The following FGD4 variants were observed in gnomAD, a reference collection of about 807,000 sequenced individuals.
The protein encoded by FGD4 is FYVE, RhoGEF and PH domain containing 4, also known as FYVE, RhoGEF and PH domain-containing protein 4.
A neutral mutation model predicts 102.0 loss-of-function variants in FGD4; 42 were observed. The observed-to-expected ratio is 0.41, with a 90% CI of 0.32 to 0.53. FGD4 has a LOEUF of 0.53. FGD4 is among the 20% of genes least tolerant of loss of function. The probability of loss-of-function intolerance (pLI) is 0.21; values close to 1 mark genes in which losing one functional copy is unlikely to be tolerated. For missense variants in FGD4, 902 were observed against 1,078.2 expected (o/e 0.84, Z 2.29); for synonymous variants, 380 against 375.7 (o/e 1.01, Z -0.13).
chr12:32,472,732 C>T (rs1943451394), intron 1 of FGD4, among the ~76,000 whole-genome samples: 1 of 152,246 alleles, frequency 6.6e-6, no homozygotes, highest in Non-Finnish European at 1.5e-5. Context: ...GCGGGATCCA[C>T]TAGGTGAAGC....
In FGD4 at chr12:32,602,162, G is replaced by A; in HGVS notation, c.1249G>A (p.Glu417Lys). The A allele has an allele frequency of 6.2e-7, 1 of 1,613,834 alleles. No individual in the cohort carries two copies. The highest frequency in any genetic ancestry group is 1.3e-5 in the African/African-American group (1 of 75,032). Residue 417 changes from glutamate (E) to lysine (K), a missense_variant and splice_region_variant, in exon 7 of 17, where the codon GAA becomes AAA. Coordinates refer to ENST00000534526, the MANE Select transcript of FGD4 (RefSeq NM_001370298.3). ...PELEKRMQEWETTPRIGDILQ... is the reference protein window; with the variant it reads ...PELEKRMQEWKTTPRIGDILQ... Reference sequence around the variant, plus strand: ...CTTGTTTTTCTATATTTGATACAGGGAAACTACTCCTAGAATTGGAGACAT... The same window carrying A: ...CTTGTTTTTCTATATTTGATACAGGAAAACTACTCCTAGAATTGGAGACAT...
chr12:32,633,755 AC>A, intron 15 of FGD4, 66 bp downstream of exon 15: 2 of 1,445,062 alleles, frequency 1.4e-6, no homozygotes, highest in Non-Finnish European at 1.9e-6. Flanking sequence ...TCGCTCTGTC[AC>A]CCAGGCTGAG....
At chr12:32,433,071 A>G (rs909939363) in intron 1 of FGD4, among the ~76,000 whole-genome samples, 2 of 151,662 alleles carry the variant, frequency 1.3e-5, no homozygotes. Context: ...ATCTTACCTC[A>G]CTGCAACCTC....
intron 1 of FGD4, among the ~76,000 whole-genome samples, chr12:32,508,284 A>C (rs17536908): frequency 0.19 from 28,978 of 152,180 alleles, 3,256 homozygotes; most frequent in Middle Eastern, 0.35. Context: ...GTATCCTGTA[A>C]AGAATGAGGA....
chr12:32,637,095 G>A (rs1950880358), intron 15 of FGD4, among the ~76,000 whole-genome samples: 1 of 144,718 alleles, frequency 6.9e-6, no homozygotes, highest in African/African-American at 2.6e-5. Flanking sequence ...CACTGTGTTG[G>A]CCAGGCTTGT....
intron 10 of FGD4, among the ~76,000 whole-genome samples, chr12:32,617,903 A>G (rs1949545500): frequency 6.6e-6 from 1 of 152,222 alleles, no homozygotes; most frequent in African/African-American, 2.4e-5. Flanking sequence ...GCGAAGAGGA[A>G]AAGGATATTT....
chr12:32,521,216 G>C (rs1565797507), intron 1 of FGD4, among the ~76,000 whole-genome samples: 1 of 151,876 alleles, frequency 6.6e-6, no homozygotes, highest in Non-Finnish European at 1.5e-5. Context: ...GCAAAACCCT[G>C]TCTCTACTAA....
Position 32,645,006 on chromosome 12 carries a change from T to G in FGD4, c.*4473T>G, listed in dbSNP as rs1013012651. On this transcript the variant is annotated 3_prime_UTR_variant, in exon 17 of 17. Coordinates refer to ENST00000534526, the MANE Select transcript of FGD4 (RefSeq NM_001370298.3). Reference sequence around the variant, plus strand: ...GAAATAGCACATGGCTTCTACAAGATAGTTTTAACTTGTTGGGGTCACCGG... The same window carrying G: ...GAAATAGCACATGGCTTCTACAAGAGAGTTTTAACTTGTTGGGGTCACCGG... 1 of 152,136 alleles carries G rather than the reference T, an allele frequency of 6.6e-6. No homozygotes were observed. The highest frequency in any genetic ancestry group is 1.5e-5 in the Non-Finnish European group (1 of 68,026). The allele number at this position is 152,136 out of a possible 1,614,324, so 9.4% of individuals were successfully genotyped here.
chr12:32,475,612 G>A (rs911401103), intron 1 of FGD4, among the ~76,000 whole-genome samples: 1 of 152,170 alleles, frequency 6.6e-6, no homozygotes, highest in African/African-American at 2.4e-5. Flanking sequence ...AGACTTTCTA[G>A]ATGAAAAACT....
At chr12:32,524,694 A>G (rs1424769875) in intron 1 of FGD4, among the ~76,000 whole-genome samples, 1 of 152,044 alleles carries the variant, frequency 6.6e-6, no homozygotes, top group African/African-American at 2.4e-5. Context: ...GCATGGTGAC[A>G]TGTGCCTGTA....
In FGD4 at chr12:32,643,978, A is replaced by G. The variant is rs1482528923; in HGVS notation, c.*3445A>G. 6.6e-6 allele frequency: 1 copy of G among 152,186 alleles called. No homozygotes were observed. Among genetic ancestry groups the G allele is most frequent in the African/African-American group, 2.4e-5 (1 of 41,466 alleles). The allele number at this position is 152,186 out of a possible 1,614,324, so 9.4% of individuals were successfully genotyped here. A position where few individuals can be genotyped will look rare whatever the true frequency, so the allele number is the denominator to read the frequency against. On this transcript the variant is annotated 3_prime_UTR_variant, in exon 17 of 17. Transcript: ENST00000534526. ...TGAGTAGCAAGCACCAACCGGAGCA[A>G]GTAAACTTCTAGGGAACAAGCGTCT...
At chr12:32,478,317 G>A (rs1252691879) in intron 1 of FGD4, among the ~76,000 whole-genome samples, 1 of 152,078 alleles carries the variant, frequency 6.6e-6, no homozygotes, top group Non-Finnish European at 1.5e-5. Flanking sequence ...GGCTGAAGTG[G>A]AGTGCCACGA....
chr12:32,422,195 A>G lies in FGD4; in HGVS notation c.166+22236A>G, dbSNP rs146948577. On this transcript the variant is annotated intron_variant, in intron 1 of 16. Transcript: ENST00000534526. ...CTATAAAACATCTGATGCTTGGAATATTGCTGTTACTGTTTTCCATCTCTT... is the reference window on the plus strand; with the variant it reads ...CTATAAAACATCTGATGCTTGGAATGTTGCTGTTACTGTTTTCCATCTCTT... 8.3e-4 allele frequency among the ~76,000 whole-genome samples: 123 copies of G among 148,090 alleles called. 2 individuals are homozygous for G. Among genetic ancestry groups the G allele is most frequent in the Admixed American group, 6.4e-3 (93 of 14,642 alleles).
chr12:32,575,856 A>G (rs534145127), intron 2 of FGD4, among the ~76,000 whole-genome samples: 20 of 152,322 alleles, frequency 1.3e-4, no homozygotes, highest in South Asian at 4.1e-4. Flanking sequence ...TGGTATATCA[A>G]CTATAACTAT....
intron 1 of FGD4, among the ~76,000 whole-genome samples, chr12:32,472,461 G>A (rs1720689440): frequency 6.6e-6 from 1 of 152,216 alleles, no homozygotes; most frequent in Admixed American, 6.5e-5. Context: ...GGTGTACTGG[G>A]TCCCCCAGCA....
intron 1 of FGD4, among the ~76,000 whole-genome samples, chr12:32,486,893 C>T (rs1770118709): frequency 6.6e-6 from 1 of 152,112 alleles, no homozygotes; most frequent in South Asian, 2.1e-4. Flanking sequence ...AAATAAACAT[C>T]CAAGTATAAG....
At chr12:32,414,353 A>G in intron 1 of FGD4, among the ~76,000 whole-genome samples, 1 of 152,100 alleles carries the variant, frequency 6.6e-6, no homozygotes, top group Non-Finnish European at 1.5e-5. Context: ...TATATGAGGT[A>G]CTTTGATACA....
At chr12:32,407,505 T>C (rs1940996613) in intron 1 of FGD4, among the ~76,000 whole-genome samples, 1 of 152,202 alleles carries the variant, frequency 6.6e-6, no homozygotes, top group Admixed American at 6.5e-5. Context: ...TTTCCAAACA[T>C]GGGTAAACCC....
At chr12:32,533,677 G>A (rs1016623920) in intron 1 of FGD4, among the ~76,000 whole-genome samples, 1 of 152,158 alleles carries the variant, frequency 6.6e-6, no homozygotes, top group Non-Finnish European at 1.5e-5. Context: ...CACCCACCTC[G>A]GCGTGCCAAA....
Sources: gnomAD v4.1 joint callset for allele counts (sites outside exome capture counted in the v4.1 genomes callset) on GRCh38, gnomAD v4.1.1 for gene constraint, MANE v1.5 for transcripts, NCBI Gene and HGNC (gene_info 2026-07-23, HGNC 2026-07-21) for gene names.